CEP63: variants seen among roughly 807,000 people sequenced by gnomAD.
The protein encoded by CEP63 is centrosomal protein 63, also known as centrosomal protein of 63 kDa.
CEP63 carries 84 observed loss-of-function variants against 89.1 expected under a neutral mutation model. That is an observed-to-expected ratio of 0.94 (90% CI 0.79 to 1.13). The LOEUF (loss-of-function observed/expected upper bound fraction) is 1.13. Among genes scored for constraint, CEP63 ranks in the 50% most tolerant of loss-of-function variants. The probability of loss-of-function intolerance (pLI) is 0.00; values close to 1 mark genes in which losing one functional copy is unlikely to be tolerated. For missense variants in CEP63, 838 were observed against 813.3 expected (o/e 1.03, Z -0.37); for synonymous variants, 267 against 272.5 (o/e 0.98, Z 0.20).
chr3:134,672,740 C>T, the CEP63 span, among the ~76,000 whole-genome samples: 3 of 152,194 alleles, frequency 2.0e-5, no homozygotes, highest in Admixed American at 6.5e-5. Flanking sequence ...TGGCTCTCTA[C>T]GTACTCATTC....
Position 134,561,532 on chromosome 3 carries a change from G to A in CEP63, c.2109G>A (p.Lys703=). 1.2e-6 allele frequency: 2 copies of A among 1,612,754 alleles called. No individual in the cohort carries two copies. Among genetic ancestry groups the A allele is most frequent in the Non-Finnish European group, 1.7e-6 (2 of 1,179,278 alleles). Residue 703 remains lysine, a synonymous_variant, in exon 15 of 15, where the codon AAG becomes AAA. Transcript: ENST00000675561. ...CAGTGAGACAATTCACAGCCTTAAA[G>A]TAGCCTCTTAAAAAAATCACTATCT... ...EKTVRQFTAL[K]
the CEP63 span, among the ~76,000 whole-genome samples, chr3:134,660,839 C>T: frequency 6.6e-6 from 1 of 152,168 alleles, no homozygotes; most frequent in African/African-American, 2.4e-5. Flanking sequence ...AGTCCATTTT[C>T]CTTCTGTATG....
intron 6 of CEP63, among the ~76,000 whole-genome samples, chr3:134,539,877 A>C (rs1474501884): frequency 6.6e-6 from 1 of 152,244 alleles, no homozygotes; most frequent in Non-Finnish European, 1.5e-5. Flanking sequence ...TGAGAAATAA[A>C]TAAATCACCC....
At position 134,548,442 on chromosome 3, in the gene CEP63, G is replaced by C. The variant is rs144434722; in HGVS notation, c.1068-620G>C. Among the ~76,000 whole-genome samples the C allele has an allele frequency of 1.2e-3, 177 of 152,216 alleles. 1 individual carries two copies. The highest frequency in any genetic ancestry group is 4.1e-3 in the African/African-American group (170 of 41,532). ...ACCCACCTAAACACTTGTCATTGTC[G>C]TACTTATAGAATTTTTTTTGGTTTT... On this transcript the variant is annotated intron_variant, in intron 9 of 14. Transcript: ENST00000675561.
chr3:134,556,103 C>T (rs1464879588), intron 12 of CEP63, among the ~76,000 whole-genome samples: 2 of 148,940 alleles, frequency 1.3e-5, no homozygotes, highest in African/African-American at 2.5e-5. Context: ...CCCTTCCTTA[C>T]ACCTTATACA....
the CEP63 span, among the ~76,000 whole-genome samples, chr3:134,609,436 TGC>T: frequency 6.6e-6 from 1 of 152,160 alleles, no homozygotes; most frequent in Non-Finnish European, 1.5e-5. Context: ...ACGCGAGCCC[TGC>T]GTGTAGGATG....
chr3:134,534,071 C>G (rs1950329196), intron 5 of CEP63, among the ~76,000 whole-genome samples: 1 of 152,054 alleles, frequency 6.6e-6, no homozygotes, highest in Admixed American at 6.5e-5. Flanking sequence ...TTTCATGTTA[C>G]CAGCCTATAC....
At chr3:134,700,112 T>C in the CEP63 span, among the ~76,000 whole-genome samples, 7 of 152,268 alleles carry the variant, frequency 4.6e-5, 1 homozygote, top group Non-Finnish European at 1.0e-4. Flanking sequence ...ACTCTGCCTG[T>C]ACTGAGTTCC....
chr3:134,673,001 G>T, the CEP63 span, among the ~76,000 whole-genome samples: 5 of 152,164 alleles, frequency 3.3e-5, no homozygotes, highest in East Asian at 9.6e-4. Context: ...TGCATGGGTG[G>T]TCTTAGCATC....
At position 134,562,048 on chromosome 3, in the gene CEP63, G is replaced by T. The variant is rs1039182764; in HGVS notation, c.*513G>T. ...AAGGGGCTGGTAGTGTGTAAAGTCA[G>T]GCTGGTAGTGAATAAGGGGGGGGTG... On this transcript the variant is annotated 3_prime_UTR_variant, in exon 15 of 15. Coordinates refer to ENST00000675561, the MANE Select transcript of CEP63 (RefSeq NM_001353108.3). 1.1e-4 allele frequency: 106 copies of T among 998,208 alleles called. No homozygotes were observed. Among genetic ancestry groups the T allele is most frequent in the Non-Finnish European group, 1.2e-4 (104 of 837,780 alleles). The allele number at this position is 998,208 out of a possible 1,614,324, so 61.8% of individuals were successfully genotyped here.
the CEP63 span, among the ~76,000 whole-genome samples, chr3:134,683,243 T>G: frequency 2.9e-4 from 44 of 152,342 alleles, no homozygotes; most frequent in African/African-American, 1.0e-3. Flanking sequence ...CTTTGTAAAG[T>G]TATATTTTAA....
At chr3:134,628,092 A>G in the CEP63 span, 1 of 472,800 alleles carries the variant, frequency 2.1e-6, no homozygotes, top group Non-Finnish European at 3.8e-6. Context: ...CTGACCTAAC[A>G]CTTTGGGTGA....
chr3:134,586,997 T>C (rs1169435461), intron 10 of CEP63, among the ~76,000 whole-genome samples: 1 of 152,244 alleles, frequency 6.6e-6, no homozygotes, highest in East Asian at 1.9e-4. Context: ...TATTGAAGGT[T>C]GTGCATGCAT....
intron 3 of CEP63, among the ~76,000 whole-genome samples, chr3:134,529,314 T>A (rs1949373675): frequency 6.6e-6 from 1 of 151,350 alleles, no homozygotes; most frequent in Non-Finnish European, 1.5e-5. Flanking sequence ...TGTCCAGTTT[T>A]TATAAAAGAA....
At chr3:134,579,881 A>G (rs901421564), downstream of CEP63, among the ~76,000 whole-genome samples, 1 of 152,240 alleles carries the variant, frequency 6.6e-6, no homozygotes, top group African/African-American at 2.4e-5. Flanking sequence ...GTACTCATAC[A>G]TGCTACAACA....
intron 12 of CEP63, chr3:134,552,253 G>C: frequency 3.2e-6 from 1 of 309,894 alleles, no homozygotes; most frequent in Non-Finnish European, 6.2e-6. Flanking sequence ...ACCCAGGCTG[G>C]AGTGCAATGG....
At chr3:134,577,947 T>C (rs1958252977), downstream of CEP63, among the ~76,000 whole-genome samples, 1 of 152,196 alleles carries the variant, frequency 6.6e-6, no homozygotes, top group South Asian at 2.1e-4. Context: ...GCAAAGGACG[T>C]GATCTCATTC....
rs573165993 is a variant in CEP63 at position 134,537,169 on chromosome 3, A to G, written c.456A>G (p.Lys152=). ...TGCCTCCTCAGGAATTCCGTCAGAA[A>G]TCGCTGGACTGGGAGAAGCAACGCT... ...LTAKIEEFRQ[K]SLDWEKQRLI... is the part of the protein sequence containing the mutation. Residue 152 remains lysine (K), a synonymous_variant, in exon 6 of 15, where the codon AAA becomes AAG. Transcript: ENST00000675561. 3 of 1,613,006 alleles carry G rather than the reference A, an allele frequency of 1.9e-6. No individual in the cohort carries two copies. The highest frequency in any genetic ancestry group is 2.2e-5 in the East Asian group (1 of 44,856).
chr3:134,492,403 G>A (rs1240380444), intron 1 of CEP63, among the ~76,000 whole-genome samples: 1 of 152,122 alleles, frequency 6.6e-6, no homozygotes, highest in African/African-American at 2.4e-5. Flanking sequence ...ATAACTATGA[G>A]CAACTCAGAT....
Sources: allele counts gnomAD v4.1 joint callset (sites outside exome capture counted in the v4.1 genomes callset), GRCh38; gene constraint gnomAD v4.1.1; transcripts MANE v1.5; gene names NCBI Gene and HGNC (gene_info 2026-07-23, HGNC 2026-07-21).